Variants in GRAMD1B observed in about 807,000 individuals in gnomAD.
The protein encoded by GRAMD1B is GRAM domain containing 1B, also known as protein Aster-B.
A neutral mutation model predicts 99.7 loss-of-function variants in GRAMD1B; 37 were observed. The ratio of observed to expected loss-of-function variants is 0.37; its 90% CI spans 0.29 to 0.49. GRAMD1B has a LOEUF of 0.49. GRAMD1B is among the 20% of genes least tolerant of loss of function. GRAMD1B has a pLI of 0.98. For synonymous variants in GRAMD1B, 427 were observed against 387.6 expected, an observed-to-expected ratio of 1.10 and a Z score of -1.19; for missense variants, 888 against 1,009.2, an observed-to-expected ratio of 0.88 and a Z score of 1.63.
chr11:123,608,486 A>C, intron 11 of GRAMD1B, 173 bp from the exon 12 acceptor site: 1 of 1,525,328 alleles, frequency 6.6e-7, no homozygotes, highest in South Asian at 1.2e-5. Flanking sequence ...AGAGACCGAA[A>C]GCAAAGTCAT....
chr11:123,388,359 G>A (rs1049013004), intron 1 of GRAMD1B, among the ~76,000 whole-genome samples: 2 of 151,704 alleles, frequency 1.3e-5, no homozygotes, highest in African/African-American at 4.8e-5. Flanking sequence ...CACATGAATG[G>A]GATTAATTCC....
chr11:123,528,192 T>C (rs1460347997), intron 2 of GRAMD1B, among the ~76,000 whole-genome samples: 1 of 152,150 alleles, frequency 6.6e-6, no homozygotes, highest in Non-Finnish European at 1.5e-5. Flanking sequence ...AGGGTACTAA[T>C]GCTGATACTC....
intron 1 of GRAMD1B, among the ~76,000 whole-genome samples, chr11:123,407,092 T>A (rs1266917285): frequency 6.6e-6 from 1 of 152,224 alleles, no homozygotes; most frequent in Admixed American, 6.5e-5. Context: ...TTTCAATAAT[T>A]GCTTTGTATC....
chr11:123,371,130 C>T (rs1314323661), intron 1 of GRAMD1B, among the ~76,000 whole-genome samples: 1 of 151,866 alleles, frequency 6.6e-6, no homozygotes, highest in Non-Finnish European at 1.5e-5. Flanking sequence ...CAGCAGGATG[C>T]ATGTCAGTGA....
rs930913523 is a variant in GRAMD1B, at chr11:123,627,585, G to A, written c.*4990G>A. ...GAAAGAACACGGGTCGAGTGCAGTC[G>A]AGTTGTCTGGCCATCTGTATTTGGA... On this transcript the variant is annotated 3_prime_UTR_variant, in exon 20 of 20. Coordinates refer to ENST00000635736, the MANE Select transcript of GRAMD1B (RefSeq NM_001387025.1). 6.6e-6 allele frequency: 1 copy of A among 152,258 alleles called. No homozygotes were observed. Among genetic ancestry groups the A allele is most frequent in the East Asian group, 1.9e-4 (1 of 5,188 alleles). The allele number at this position is 152,258 out of a possible 1,614,324, so 9.4% of individuals were successfully genotyped here.
intron 4 of GRAMD1B, among the ~76,000 whole-genome samples, chr11:123,589,022 T>C (rs1217613413): frequency 2.6e-5 from 4 of 152,044 alleles, no homozygotes; most frequent in Non-Finnish European, 5.9e-5. Context: ...AATAATTTTA[T>C]GCACAAAGAA....
intron 7 of GRAMD1B, chr11:123,599,367 T>G (rs1951670003): frequency 4.4e-6 from 3 of 689,416 alleles, no homozygotes; most frequent in South Asian, 4.1e-5. Flanking sequence ...CATGGACTTT[T>G]TAGTGAGCAT....
chr11:123,594,775 C>A lies in GRAMD1B; in HGVS notation c.810C>A (p.Gly270=). The change falls in exon 6 of 20, where the codon GGC becomes GGA. Residue 270 remains glycine (G), a synonymous_variant. Transcript: ENST00000635736. ...TCCAAAGAGACATTCTCCTTCAGGG[C>A]CGACTCTACCTCTCTGAAAATTGGA... ...CALQRDILLQ[G]RLYLSENWIC... 1 of 1,606,592 alleles carries A rather than the reference C, an allele frequency of 6.2e-7. No individual in the cohort carries two copies. Among genetic ancestry groups the A allele is most frequent in the Non-Finnish European group, 8.5e-7 (1 of 1,173,186 alleles).
intron 2 of GRAMD1B, among the ~76,000 whole-genome samples, chr11:123,542,678 A>T (rs193050873): frequency 6.1e-4 from 93 of 152,178 alleles, no homozygotes; most frequent in African/African-American, 2.1e-3. Flanking sequence ...TTTAGACGGA[A>T]TTTTGCTCTT....
chr11:123,387,658 GGTT>G (rs1565465699), intron 1 of GRAMD1B, among the ~76,000 whole-genome samples: 1 of 152,002 alleles, frequency 6.6e-6, no homozygotes, highest in African/African-American at 2.4e-5. Context: ...GACATCTCAG[GGTT>G]TTGTTTCCTG....
chr11:123,475,120 C>T (rs1236286402), intron 1 of GRAMD1B, among the ~76,000 whole-genome samples: 1 of 152,130 alleles, frequency 6.6e-6, no homozygotes, highest in Non-Finnish European at 1.5e-5. Flanking sequence ...AGGACGGCTT[C>T]CTGGTGGTTC....
chr11:123,418,107 G>C (rs541223972), intron 1 of GRAMD1B, among the ~76,000 whole-genome samples: 4 of 152,048 alleles, frequency 2.6e-5, no homozygotes, highest in Non-Finnish European at 5.9e-5. Flanking sequence ...CTTTCTCTAA[G>C]GTACTTTTCT....
At chr11:123,519,633 T>C (rs534030633) in intron 2 of GRAMD1B, among the ~76,000 whole-genome samples, 1 of 152,356 alleles carries the variant, frequency 6.6e-6, no homozygotes, top group East Asian at 1.9e-4. Flanking sequence ...ACTAGAGGCA[T>C]GCAGCTATGC....
At chr11:123,430,261 C>CTCTG (rs1948807578), upstream of GRAMD1B, 1 of 37,738 alleles carries the variant, frequency 2.6e-5, no homozygotes, top group Non-Finnish European at 1.3e-4. Context: ...GTCTCGCTTC[C>CTCTG]TCTCTCTCTC....
chr11:123,559,025 T>G (rs1946428742), intron 2 of GRAMD1B, among the ~76,000 whole-genome samples: 1 of 152,228 alleles, frequency 6.6e-6, no homozygotes, highest in Non-Finnish European at 1.5e-5. Flanking sequence ...CCTATGCAGC[T>G]GCAGTGGACA....
intron 1 of GRAMD1B, among the ~76,000 whole-genome samples, chr11:123,367,954 G>A (rs949923615): frequency 2.0e-5 from 3 of 151,934 alleles, no homozygotes; most frequent in Admixed American, 6.6e-5. Flanking sequence ...GAGGCTGTGG[G>A]GAGAAAGAGG....
chr11:123,554,175 AG>A (rs1308710060), intron 2 of GRAMD1B, among the ~76,000 whole-genome samples: 1 of 152,196 alleles, frequency 6.6e-6, no homozygotes, highest in Non-Finnish European at 1.5e-5. Flanking sequence ...AAGTAGGGTC[AG>A]TGGATAAAAG....
intron 18 of GRAMD1B, 97 bp downstream of exon 18, chr11:123,618,897 C>T (rs1954784809): frequency 2.6e-6 from 2 of 757,490 alleles, no homozygotes; most frequent in African/African-American, 3.4e-5. Context: ...CTGCCCTTCC[C>T]CATCCCTCTG....
chr11:123,606,310 G>C (rs1043466902), intron 10 of GRAMD1B, among the ~76,000 whole-genome samples: 1 of 152,240 alleles, frequency 6.6e-6, no homozygotes, highest in African/African-American at 2.4e-5. Context: ...CCTTGTTGCA[G>C]GATGGTGCAG....
Sources: gnomAD v4.1 joint callset for allele counts (sites outside exome capture counted in the v4.1 genomes callset) on GRCh38, gnomAD v4.1.1 for gene constraint, MANE v1.5 for transcripts, NCBI Gene and HGNC (gene_info 2026-07-23, HGNC 2026-07-21) for gene names.